MEF2C: variants seen among roughly 807,000 people sequenced by gnomAD.
MEF2C encodes the protein myocyte enhancer factor 2C.
A neutral mutation model predicts 50.5 loss-of-function variants in MEF2C; 6 were observed. The observed-to-expected ratio is 0.12, with a 90% CI of 0.07 to 0.23. The LOEUF is 0.23. Among genes scored for constraint, MEF2C ranks in the 10% least tolerant of loss-of-function variants. The pLI is 1.00. For synonymous variants in MEF2C, 183 were observed against 228.0 expected (o/e 0.80, Z 1.78); for missense variants, 276 against 605.0 (o/e 0.46, Z 5.70).
rs1580670965 is a variant in MEF2C, at chr5:88,785,623, T to C, written c.258+18975A>G. 3 of 152,204 alleles carry C rather than the reference T, an allele frequency of 2.0e-5. 1 individual carries two copies. Among genetic ancestry groups the C allele is most frequent in the African/African-American group, 7.2e-5 (3 of 41,452 alleles). The allele number at this position is 152,204 out of a possible 1,614,324, so 9.4% of individuals were successfully genotyped here. The stretch of plus-strand genomic sequence containing the variant: ...AAACTCCTTAAAGTTTTGAGTTTAA[T>C]TGCAAGCAGTAAGTGGTTTTTATTA... On this transcript the variant is annotated intron_variant, in intron 3 of 10. Coordinates refer to ENST00000504921, the MANE Select transcript of MEF2C (RefSeq NM_002397.5).
At chr5:88,751,582 A>AC (rs1772765347) in intron 5 of MEF2C, 9 of 955,800 alleles carry the variant, frequency 9.4e-6, no homozygotes, top group Non-Finnish European at 1.1e-5. Context: ...AGGATATCTG[A>AC]CATCCTGTTT....
intron 1 of MEF2C, among the ~76,000 whole-genome samples, chr5:88,829,909 T>C (rs1184135086): frequency 6.6e-6 from 1 of 152,000 alleles, no homozygotes; most frequent in African/African-American, 2.4e-5. Flanking sequence ...ATGTGAATCC[T>C]GGGTACACAG....
At chr5:88,881,543 G>A (rs539740676) in intron 1 of MEF2C, among the ~76,000 whole-genome samples, 1 of 152,238 alleles carries the variant, frequency 6.6e-6, no homozygotes, top group Admixed American at 6.5e-5. Flanking sequence ...TTTCAAATTA[G>A]AGATTGTTGA....
rs1196879069 is a variant in MEF2C at position 88,718,681 on chromosome 5, C to G, written c.*3923G>C. 1 of 152,162 alleles carries G rather than the reference C, an allele frequency of 6.6e-6. No individual in the cohort carries two copies. Among genetic ancestry groups the G allele is most frequent in the African/African-American group, 2.4e-5 (1 of 41,420 alleles). 9.4% of individuals were successfully genotyped at this position (152,162 alleles called of 1,614,324 possible). On this transcript the variant is annotated 3_prime_UTR_variant, in exon 11 of 11. Transcript: ENST00000504921. The stretch of plus-strand genomic sequence containing the variant: ...AGAATCCGTCACTTAACTGACCTCT[C>G]TGAATTAAACTGAGGTATGAATCAA...
At chr5:88,821,404 G>A (rs1808290534) in intron 2 of MEF2C, among the ~76,000 whole-genome samples, 1 of 151,850 alleles carries the variant, frequency 6.6e-6, no homozygotes, top group Non-Finnish European at 1.5e-5. Context: ...ACAGGTGCAT[G>A]CCACTACCAC....
chr5:88,746,755 T>C lies in MEF2C; in HGVS notation c.637+2315A>G, dbSNP rs997650783. ...GTTGGCATGAGAAAGAAGGGGAAGA[T>C]GGCTGAGTTTATGAGTAGGACATGA... On this transcript the variant is annotated intron_variant, in intron 6 of 10. Transcript: ENST00000504921. 28 of 939,902 alleles carry C rather than the reference T, an allele frequency of 3.0e-5. No homozygotes were observed. In the African/African-American group the frequency reaches 4.8e-4, roughly 16 times the overall value. The allele number at this position is 939,902 out of a possible 1,614,324, so 58.2% of individuals were successfully genotyped here.
intron 6 of MEF2C, among the ~76,000 whole-genome samples, chr5:88,745,723 G>A (rs1046687744): frequency 7.9e-5 from 12 of 152,206 alleles, no homozygotes; most frequent in Admixed American, 4.6e-4. Flanking sequence ...GCTGAGGGAG[G>A]TGGACTGCTT....
chr5:88,734,915 A>G (rs921179411), intron 6 of MEF2C: 53 of 983,808 alleles, frequency 5.4e-5, no homozygotes, highest in Non-Finnish European at 6.2e-5. Flanking sequence ...TAGAGCATCA[A>G]GTTATTTTTA....
At chr5:88,835,363 T>C (rs1279807899) in intron 1 of MEF2C, among the ~76,000 whole-genome samples, 3 of 152,114 alleles carry the variant, frequency 2.0e-5, no homozygotes, top group Non-Finnish European at 1.5e-5. Flanking sequence ...TATTTGAAAA[T>C]CCCAGTGTCT....
intron 1 of MEF2C, among the ~76,000 whole-genome samples, chr5:88,876,267 G>T (rs1188045289): frequency 1.3e-5 from 2 of 151,798 alleles, no homozygotes; most frequent in Non-Finnish European, 2.9e-5. Context: ...TAAAATGTGT[G>T]TTCTTCTGTG....
rs1324710581 is a variant in MEF2C at position 88,829,247 on chromosome 5, C to T, written c.-142-5317G>A. On this transcript the variant is annotated intron_variant, in intron 1 of 10. Coordinates refer to ENST00000504921, the MANE Select transcript of MEF2C (RefSeq NM_002397.5). The stretch of plus-strand genomic sequence containing the variant: ...AGGCAATTCTTTCTGCCTGGATGTT[C>T]CTCCTTTCCTTTTGTACCTCCTTGA... Among the ~76,000 whole-genome samples, 7 of 152,018 alleles carry T rather than the reference C, an allele frequency of 4.6e-5. No individual in the cohort carries two copies. In the East Asian group the frequency reaches 1.4e-3, roughly 30 times the overall value.
At chr5:88,834,369 C>CT (rs1814232487) in intron 1 of MEF2C, among the ~76,000 whole-genome samples, 4 of 152,126 alleles carry the variant, frequency 2.6e-5, no homozygotes, top group Admixed American at 2.0e-4. Context: ...GAGCCAAAAT[C>CT]ATGATGCTTA....
chr5:88,843,600 T>C, intron 1 of MEF2C: 1 of 306,410 alleles, frequency 3.3e-6, no homozygotes, highest in Non-Finnish European at 4.8e-6. Context: ...CTATGTAATA[T>C]ATATGTTTCT....
At chr5:88,854,841 T>A (rs1822693712) in intron 1 of MEF2C, among the ~76,000 whole-genome samples, 1 of 152,220 alleles carries the variant, frequency 6.6e-6, no homozygotes, top group African/African-American at 2.4e-5. Context: ...GTCACAAAAG[T>A]TGATATTTTT....
chr5:88,895,862 C>G (rs920865746), intron 1 of MEF2C, among the ~76,000 whole-genome samples: 1 of 152,232 alleles, frequency 6.6e-6, no homozygotes, highest in African/African-American at 2.4e-5. Context: ...CCGGCCACTA[C>G]AGCCGCCTAA....
intron 2 of MEF2C, among the ~76,000 whole-genome samples, chr5:88,808,101 A>C (rs1052008267): frequency 2.0e-5 from 3 of 152,206 alleles, no homozygotes; most frequent in Non-Finnish European, 4.4e-5. Context: ...GGATGGGCTG[A>C]AAACCATCTT....
chr5:88,845,018 C>T (rs1473871802), intron 1 of MEF2C, among the ~76,000 whole-genome samples: 1 of 152,146 alleles, frequency 6.6e-6, no homozygotes, highest in East Asian at 1.9e-4. Flanking sequence ...AAATAGTTCA[C>T]CTTGTGCATT....
intron 1 of MEF2C, among the ~76,000 whole-genome samples, chr5:88,891,566 C>G (rs12653398): frequency 1.3e-5 from 2 of 151,900 alleles, no homozygotes; most frequent in African/African-American, 4.8e-5. Context: ...CCACGCCCAG[C>G]TAATATTTTC....
chr5:88,889,234 C>T (rs908344735), intron 1 of MEF2C: 13 of 152,200 alleles, frequency 8.5e-5, no homozygotes, highest in African/African-American at 2.9e-4. Context: ...ACAATCCCTC[C>T]GGTTGATTTG....
Sources: allele counts gnomAD v4.1 joint callset (sites outside exome capture counted in the v4.1 genomes callset), GRCh38; gene constraint gnomAD v4.1.1; transcripts MANE v1.5; gene names NCBI Gene and HGNC (gene_info 2026-07-23, HGNC 2026-07-21).